GPR158: variants seen among roughly 807,000 people sequenced by gnomAD.
GPR158 encodes the protein G protein-coupled receptor 158.
A neutral mutation model predicts 78.2 loss-of-function variants in GPR158; 30 were observed. The observed-to-expected ratio is 0.38, with a 90% CI of 0.29 to 0.52. The LOEUF (loss-of-function observed/expected upper bound fraction) is 0.52, where lower values mean the gene tolerates loss of function less well. GPR158 is among the 20% of genes least tolerant of loss of function. The probability of loss-of-function intolerance (pLI) is 0.83; values close to 1 mark genes in which losing one functional copy is unlikely to be tolerated. For synonymous variants in GPR158, 581 were observed against 591.1 expected, an observed-to-expected ratio of 0.98 and a Z score of 0.25; for missense variants, 1,463 against 1,523.5, an observed-to-expected ratio of 0.96 and a Z score of 0.66.
At chr10:25,187,821 T>C (rs1852709474) in intron 1 of GPR158, among the ~76,000 whole-genome samples, 2 of 152,120 alleles carry the variant, frequency 1.3e-5, no homozygotes, top group African/African-American at 4.8e-5. Context: ...GGTATTCAAT[T>C]AGGAAAAGAG....
chr10:25,335,874 G>T (rs893731531), intron 2 of GPR158, among the ~76,000 whole-genome samples: 1 of 151,976 alleles, frequency 6.6e-6, no homozygotes, highest in Non-Finnish European at 1.5e-5. Context: ...TGTACTAGTT[G>T]TGTGTCCTTG....
At chr10:25,493,490 G>A (rs1488629301) in intron 5 of GPR158, among the ~76,000 whole-genome samples, 1 of 152,056 alleles carries the variant, frequency 6.6e-6, no homozygotes, top group Admixed American at 6.6e-5. Flanking sequence ...TTTGGGTAGA[G>A]GGCTTTCTAA....
chr10:25,351,397 A>G (rs1206004800), intron 2 of GPR158, among the ~76,000 whole-genome samples: 2 of 146,638 alleles, frequency 1.4e-5, no homozygotes, highest in Non-Finnish European at 3.0e-5. Context: ...CTTTATTTTC[A>G]CGTTAAACTA....
chr10:25,304,899 T>C (rs550371339), intron 2 of GPR158, among the ~76,000 whole-genome samples: 26 of 152,318 alleles, frequency 1.7e-4, no homozygotes, highest in African/African-American at 5.5e-4. Context: ...CATAGCCTCT[T>C]TAGCAATTCA....
At chr10:25,341,090 C>T (rs1855296897) in intron 2 of GPR158, among the ~76,000 whole-genome samples, 1 of 151,922 alleles carries the variant, frequency 6.6e-6, no homozygotes, top group Non-Finnish European at 1.5e-5. Flanking sequence ...TAAGTGCTAG[C>T]TTTGAATGTT....
chr10:25,290,163 A>G (rs1020047826), intron 2 of GPR158, among the ~76,000 whole-genome samples: 3 of 152,226 alleles, frequency 2.0e-5, no homozygotes, highest in Non-Finnish European at 4.4e-5. Context: ...GCCAAGAGAT[A>G]GGAAAACTTA....
intron 10 of GPR158, 144 bp from the exon 11 acceptor site, chr10:25,597,628 G>A: frequency 4.0e-6 from 2 of 496,214 alleles, no homozygotes; most frequent in South Asian, 7.2e-5. Flanking sequence ...TGAGAAAATC[G>A]ACAAGTACAT....
At chr10:25,444,419 G>A (rs1274425059) in intron 4 of GPR158, among the ~76,000 whole-genome samples, 2 of 151,498 alleles carry the variant, frequency 1.3e-5, no homozygotes, top group South Asian at 2.1e-4. Context: ...GTGAGTGTGA[G>A]TGTATGTGTG....
At chr10:25,429,737 T>G (rs1403637061) in intron 4 of GPR158, among the ~76,000 whole-genome samples, 2 of 146,684 alleles carry the variant, frequency 1.4e-5, no homozygotes, top group Non-Finnish European at 3.0e-5. Context: ...ATCCAGCATA[T>G]AAACAGAACC....
intron 4 of GPR158, among the ~76,000 whole-genome samples, chr10:25,424,028 T>A (rs1834787612): frequency 6.6e-6 from 1 of 152,194 alleles, no homozygotes; most frequent in South Asian, 2.1e-4. Flanking sequence ...TTTCTCCACA[T>A]CCTCTCCAGC....
At chr10:25,487,931 T>A (rs986895640) in intron 5 of GPR158, among the ~76,000 whole-genome samples, 1 of 152,064 alleles carries the variant, frequency 6.6e-6, no homozygotes, top group Non-Finnish European at 1.5e-5. Flanking sequence ...ATTAAAGAGA[T>A]AGCACATAAT....
chr10:25,280,423 C>A (rs1380870851), intron 2 of GPR158, among the ~76,000 whole-genome samples: 4 of 152,114 alleles, frequency 2.6e-5, no homozygotes, highest in Admixed American at 6.5e-5. Context: ...GAATAGATAA[C>A]AATTCTAAAC....
At chr10:25,299,229 GGT>G (rs113252109) in intron 2 of GPR158, among the ~76,000 whole-genome samples, 1 of 151,204 alleles carries the variant, frequency 6.6e-6, no homozygotes, top group East Asian at 1.9e-4. Context: ...CACTTAAGTG[GGT>G]GTGTGTGTGT....
intron 4 of GPR158, among the ~76,000 whole-genome samples, chr10:25,447,635 T>C (rs1835154961): frequency 6.6e-6 from 1 of 152,182 alleles, no homozygotes; most frequent in African/African-American, 2.4e-5. Context: ...ATGGTAGAAA[T>C]AGCAGAAAGT....
chr10:25,232,892 G>A lies in GPR158; in HGVS notation c.1008+11735G>A, dbSNP rs537514474. 7.9e-5 allele frequency among the ~76,000 whole-genome samples: 12 copies of A among 152,272 alleles called. No homozygotes were observed. In the East Asian group the frequency reaches 2.1e-3, roughly 27 times the overall value. On this transcript the variant is annotated intron_variant, in intron 2 of 10. Transcript: ENST00000376351. ...TGTATTTTAAAATATAAGCTCACAC[G>A]TAGGTGTATGGAAAGTGGTAGGGAA...
chr10:25,401,147 TA>T (rs1361494111), intron 3 of GPR158, among the ~76,000 whole-genome samples: 27 of 152,150 alleles, frequency 1.8e-4, no homozygotes, highest in Non-Finnish European at 3.8e-4. Context: ...TTGCTTTCTG[TA>T]GACTAAGCTC....
intron 4 of GPR158, among the ~76,000 whole-genome samples, chr10:25,420,830 C>T (rs1834739220): frequency 6.6e-6 from 1 of 152,106 alleles, no homozygotes; most frequent in Non-Finnish European, 1.5e-5. Context: ...CTGTGTGCCC[C>T]TCTTTATGCC....
chr10:25,272,892 C>A (rs189873980), intron 2 of GPR158, among the ~76,000 whole-genome samples: 1 of 152,240 alleles, frequency 6.6e-6, no homozygotes, highest in East Asian at 1.9e-4. Context: ...CTCCTTTGAA[C>A]CAAGGCTGAG....
intron 2 of GPR158, among the ~76,000 whole-genome samples, chr10:25,326,738 A>G: frequency 1.3e-5 from 2 of 152,222 alleles, no homozygotes; most frequent in South Asian, 4.1e-4. Flanking sequence ...TTATTAAGAG[A>G]GTAGATCTTC....
Sources: allele counts gnomAD v4.1 joint callset (sites outside exome capture counted in the v4.1 genomes callset), GRCh38; gene constraint gnomAD v4.1.1; transcripts MANE v1.5; gene names NCBI Gene and HGNC (gene_info 2026-07-23, HGNC 2026-07-21).